Variants in PTPN9 observed in about 807,000 individuals in gnomAD.
PTPN9 encodes the protein protein tyrosine phosphatase non-receptor type 9, also known as tyrosine-protein phosphatase non-receptor type 9.
A neutral mutation model predicts 69.8 loss-of-function variants in PTPN9; 26 were observed. The ratio of observed to expected loss-of-function variants is 0.37; its 90% CI spans 0.27 to 0.52. The LOEUF is 0.52. Ranked by LOEUF, PTPN9 falls within the 20% of genes least tolerant of loss-of-function variation. The pLI is 0.91. For synonymous variants in PTPN9, 274 were observed against 272.5 expected (o/e 1.01, Z -0.05); for missense variants, 549 against 740.3 (o/e 0.74, Z 3.00).
At chr15:75,567,079 G>C (rs1234178344) in intron 1 of PTPN9, among the ~76,000 whole-genome samples, 2 of 149,280 alleles carry the variant, frequency 1.3e-5, no homozygotes, top group African/African-American at 5.0e-5. Context: ...GCAGTGGCGT[G>C]ATCTCGGCTC....
chr15:75,566,223 C>T (rs2075125876), intron 1 of PTPN9, among the ~76,000 whole-genome samples: 1 of 151,484 alleles, frequency 6.6e-6, no homozygotes. Flanking sequence ...GGGTCATCAC[C>T]ATCACATCCC....
Position 75,555,396 on chromosome 15 carries a change from G to A in PTPN9, c.63+23318C>T, listed in dbSNP as rs999570597. ...AGACTTTGAGTATGCATTTAGAGAC[G>A]TTAAAATACATATTACTGGATCCCA... On this transcript the variant is annotated intron_variant, in intron 1 of 12. Transcript: ENST00000618819. Among the ~76,000 whole-genome samples the A allele has an allele frequency of 1.2e-4, 19 of 152,190 alleles. No homozygotes were observed. The South Asian group carries it at 2.5e-3, about 20-fold the overall frequency.
rs2074619146 is a variant in PTPN9 at position 75,479,947 on chromosome 15, C to CA, written c.1063-34dup. 6 of 1,416,952 alleles carry CA rather than the reference C, an allele frequency of 4.2e-6. No homozygotes were observed. The East Asian group carries it at 1.4e-4, about 32-fold the overall frequency. 87.8% of individuals were successfully genotyped at this position (1,416,952 alleles called of 1,614,324 possible). A position where few individuals can be genotyped will look rare whatever the true frequency, so the allele number is the denominator to read the frequency against. ...TAAAAAGGAGACATCACTATAGCTA[C>CA]ACAGAATACACCATTTGGGTCATAA... On this transcript the variant is annotated intron_variant, in intron 8 of 12. Coordinates refer to ENST00000618819, the MANE Select transcript of PTPN9 (RefSeq NM_002833.4).
At chr15:75,523,023 TAGG>T in intron 4 of PTPN9, 95 bp downstream of exon 4, 1 of 1,413,282 alleles carries the variant, frequency 7.1e-7, no homozygotes, top group Non-Finnish European at 9.8e-7. Context: ...GGGCACATCC[TAGG>T]AGAATGGCGA....
intron 1 of PTPN9, among the ~76,000 whole-genome samples, chr15:75,565,853 T>C (rs552240487): frequency 2.7e-4 from 41 of 152,276 alleles, no homozygotes; most frequent in African/African-American, 9.6e-4. Context: ...CAATGGATGA[T>C]GCAAAAAGTC....
chr15:75,470,652 A>C (rs1187744464), intron 11 of PTPN9, 28 bp downstream of exon 11: 1 of 1,603,304 alleles, frequency 6.2e-7, no homozygotes, highest in Non-Finnish European at 8.5e-7. Flanking sequence ...TGTTTCAACA[A>C]GGTGAGAAAA....
At chr15:75,474,439 AC>A (rs1290222389) in intron 9 of PTPN9, among the ~76,000 whole-genome samples, 5 of 150,434 alleles carry the variant, frequency 3.3e-5, no homozygotes, top group African/African-American at 1.2e-4. Context: ...GAATTGCTTG[AC>A]CCCGGGAGGT....
chr15:75,505,080 G>T (rs944392514), intron 7 of PTPN9, among the ~76,000 whole-genome samples: 11 of 152,212 alleles, frequency 7.2e-5, no homozygotes, highest in African/African-American at 2.7e-4. Flanking sequence ...GTAGAAAGTA[G>T]ACATGGGAGA....
At chr15:75,500,764 T>TG in intron 7 of PTPN9, among the ~76,000 whole-genome samples, 1 of 151,896 alleles carries the variant, frequency 6.6e-6, no homozygotes, top group Non-Finnish European at 1.5e-5. Flanking sequence ...TGCATGTCTG[T>TG]GGTCTCAGCT....
At chr15:75,577,779 T>A (rs754104290) in intron 1 of PTPN9, among the ~76,000 whole-genome samples, 12 of 152,306 alleles carry the variant, frequency 7.9e-5, no homozygotes, top group African/African-American at 2.2e-4. Context: ...TTATTTTTTT[T>A]ATTTATAACA....
chr15:75,562,791 C>CAAAAAAAAAAAAAAAAAAAAAAAAA, intron 1 of PTPN9, among the ~76,000 whole-genome samples: 1 of 80,052 alleles, frequency 1.2e-5, no homozygotes, highest in Non-Finnish European at 2.3e-5. Context: ...AGACTCGTTT[C>CAAAAAAAAAAAAAAAAAAAAAAAAA]AAAAAAAAAA....
chr15:75,501,353 T>C (rs2074771206), intron 7 of PTPN9, among the ~76,000 whole-genome samples: 1 of 151,666 alleles, frequency 6.6e-6, no homozygotes, highest in Non-Finnish European at 1.5e-5. Flanking sequence ...AAATAACTTG[T>C]GTCACTCACA....
At chr15:75,504,959 G>T (rs890124013) in intron 7 of PTPN9, among the ~76,000 whole-genome samples, 6 of 152,184 alleles carry the variant, frequency 3.9e-5, no homozygotes, top group African/African-American at 1.2e-4. Flanking sequence ...TCTGGGAGGT[G>T]TACCCAACAG....
intron 1 of PTPN9, among the ~76,000 whole-genome samples, chr15:75,558,799 G>A (rs1274868051): frequency 7.2e-5 from 11 of 152,182 alleles, no homozygotes; most frequent in Non-Finnish European, 1.0e-4. Flanking sequence ...CCAAGGTGCC[G>A]GGATTGCAGA....
intron 1 of PTPN9, among the ~76,000 whole-genome samples, chr15:75,546,128 T>C (rs1036807132): frequency 1.3e-5 from 2 of 152,110 alleles, no homozygotes; most frequent in Non-Finnish European, 2.9e-5. Context: ...AAGTAAGTAA[T>C]TCAGATCTCA....
chr15:75,518,425 C>T (rs1315473495), intron 4 of PTPN9, among the ~76,000 whole-genome samples: 1 of 134,304 alleles, frequency 7.4e-6, no homozygotes, highest in African/African-American at 2.9e-5. Context: ...CCCAGGAGTT[C>T]AAGACCAGTC....
chr15:75,511,282 C>T (rs2141314209), intron 5 of PTPN9, among the ~76,000 whole-genome samples: 2 of 152,142 alleles, frequency 1.3e-5, no homozygotes, highest in African/African-American at 4.8e-5. Flanking sequence ...GACAAGTTCT[C>T]ACTCTGTTGC....
intron 1 of PTPN9, among the ~76,000 whole-genome samples, chr15:75,556,807 G>GT (rs1197207668): frequency 6.6e-6 from 1 of 152,098 alleles, no homozygotes; most frequent in East Asian, 1.9e-4. Flanking sequence ...ACCCAAAATT[G>GT]TTTTATCATA....
At position 75,505,561 on chromosome 15, in the gene PTPN9, C is replaced by T. The variant is rs868391559; in HGVS notation, c.968+114G>A. On this transcript the variant is annotated intron_variant, in intron 7 of 12. Transcript: ENST00000618819. ...CCATCATTTATGTGAGAGTGATGTTCCCTAACATAAGGAAGGGTCTCTGCT... is the reference window on the plus strand; with the variant it reads ...CCATCATTTATGTGAGAGTGATGTTTCCTAACATAAGGAAGGGTCTCTGCT... 1.0e-4 allele frequency: 73 copies of T among 717,450 alleles called. No homozygotes were observed. The Middle Eastern group carries it at 1.2e-3, about 12-fold the overall frequency. The allele number at this position is 717,450 out of a possible 1,614,324, so 44.4% of individuals were successfully genotyped here.
Sources: gnomAD v4.1 joint callset for allele counts (sites outside exome capture counted in the v4.1 genomes callset) on GRCh38, gnomAD v4.1.1 for gene constraint, MANE v1.5 for transcripts, NCBI Gene and HGNC (gene_info 2026-07-23, HGNC 2026-07-21) for gene names.